The following PNPLA8 variants were observed in gnomAD, a reference collection of about 807,000 sequenced individuals.
The protein encoded by PNPLA8 is calcium-independent phospholipase A2-gamma.
In PNPLA8, 39 loss-of-function variants were observed where a neutral mutation model predicts 76.9. The ratio of observed to expected loss-of-function variants is 0.51; its 90% CI spans 0.39 to 0.66. The LOEUF (loss-of-function observed/expected upper bound fraction) is 0.66. Among genes scored for constraint, PNPLA8 ranks in the 30% least tolerant of loss-of-function variants. PNPLA8 has a pLI of 0.00. For synonymous variants in PNPLA8, 301 were observed against 307.9 expected, an observed-to-expected ratio of 0.98 and a Z score of 0.24; for missense variants, 887 against 918.0, an observed-to-expected ratio of 0.97 and a Z score of 0.44.
chr7:108,507,125 C>T (rs1431213680), intron 4 of PNPLA8, among the ~76,000 whole-genome samples: 1 of 151,696 alleles, frequency 6.6e-6, no homozygotes, highest in Non-Finnish European at 1.5e-5. Flanking sequence ...GGTGGATTAC[C>T]TGAGGTCAGG....
At chr7:108,519,458 G>C (rs765079707) in intron 2 of PNPLA8, among the ~76,000 whole-genome samples, 2 of 152,304 alleles carry the variant, frequency 1.3e-5, no homozygotes, top group Non-Finnish European at 2.9e-5. Flanking sequence ...ATGTAGTCTA[G>C]TTTTACTGCA....
intron 7 of PNPLA8, among the ~76,000 whole-genome samples, chr7:108,493,049 C>T (rs1256858940): frequency 6.6e-6 from 1 of 152,144 alleles, no homozygotes; most frequent in Non-Finnish European, 1.5e-5. Flanking sequence ...ACCAAGTGAG[C>T]TCCGGCAAGA....
intron 4 of PNPLA8, among the ~76,000 whole-genome samples, chr7:108,505,331 TATATATATATATATA>T (rs1862302253): frequency 1.0e-4 from 1 of 9,648 alleles, no homozygotes; most frequent in Non-Finnish European, 1.9e-4. Context: ...TATATATATA[TATATATATATATATA>T]TATATATTTT....
chr7:108,502,663 C>T (rs1196201234), intron 4 of PNPLA8, 21 bp from the exon 5 acceptor site: 2 of 1,579,940 alleles, frequency 1.3e-6, no homozygotes, highest in Admixed American at 1.7e-5. Flanking sequence ...AGAAAAGATA[C>T]TTTGTTGCTT....
chr7:108,496,829 G>A lies in PNPLA8; in HGVS notation c.1454-74C>T, dbSNP rs557083161. 54 of 1,221,358 alleles carry A rather than the reference G, an allele frequency of 4.4e-5. 1 individual carries two copies. The South Asian group carries it at 7.6e-4, about 17-fold the overall frequency. The allele number at this position is 1,221,358 out of a possible 1,614,324, so 75.7% of individuals were successfully genotyped here. On this transcript the variant is annotated intron_variant, in intron 6 of 10. Transcript: ENST00000257694. ...ATGATGTAAGATTTCCTGAATCATA[G>A]TTTTGGCTTAAATTTTAGCGTTGAT...
intron 4 of PNPLA8, among the ~76,000 whole-genome samples, chr7:108,503,325 T>C (rs371178681): frequency 5.3e-5 from 8 of 152,234 alleles, no homozygotes; most frequent in African/African-American, 9.7e-5. Flanking sequence ...TACCGCAGGT[T>C]TAATGGAATG....
chr7:108,482,249 T>C lies in PNPLA8; in HGVS notation c.1879-2870A>G, dbSNP rs539504616. ...ACTTTGGGGAGCTGAGGCAGGTGGA[T>C]TGCCTGAGCCCAGGAGTTCAAGACC... On this transcript the variant is annotated intron_variant, in intron 9 of 10. Coordinates refer to ENST00000257694, the MANE Select transcript of PNPLA8 (RefSeq NM_001256007.3). Among the ~76,000 whole-genome samples the C allele has an allele frequency of 9.9e-5, 15 of 152,258 alleles. No individual in the cohort carries two copies. In the South Asian group the frequency reaches 1.2e-3, roughly 13 times the overall value.
intron 5 of PNPLA8, among the ~76,000 whole-genome samples, chr7:108,502,014 T>C (rs937673145): frequency 1.3e-5 from 2 of 152,062 alleles, no homozygotes; most frequent in Admixed American, 6.5e-5. Context: ...AACTGAAGTA[T>C]ATGTCAGAGT....
intron 7 of PNPLA8, among the ~76,000 whole-genome samples, chr7:108,491,797 T>A (rs573622737): frequency 6.6e-6 from 1 of 152,332 alleles, no homozygotes; most frequent in African/African-American, 2.4e-5. Flanking sequence ...AGCTAGGACA[T>A]ATACAGATTA....
At chr7:108,480,675 T>TA (rs1328243470) in intron 9 of PNPLA8, 2 of 388,594 alleles carry the variant, frequency 5.1e-6, no homozygotes, top group African/African-American at 2.1e-5. Flanking sequence ...ACAGAATACT[T>TA]AAACATTTTC....
intron 9 of PNPLA8, chr7:108,480,702 C>A (rs532849543): frequency 7.1e-6 from 3 of 420,566 alleles, no homozygotes; most frequent in South Asian, 1.7e-5. Flanking sequence ...ATGGTGCATA[C>A]AACCTTGTAA....
chr7:108,524,165 T>C (rs1863927190), intron 1 of PNPLA8, among the ~76,000 whole-genome samples: 9 of 152,232 alleles, frequency 5.9e-5, no homozygotes, highest in Admixed American at 5.9e-4. Context: ...TACCAGATGA[T>C]AGTTTACAGT....
chr7:108,484,707 A>G (rs1784933666), intron 9 of PNPLA8, among the ~76,000 whole-genome samples: 1 of 152,164 alleles, frequency 6.6e-6, no homozygotes, highest in Admixed American at 6.5e-5. Context: ...CCTCTATAGT[A>G]CTTCTTAATC....
At chr7:108,516,362 G>C (rs1863343888) in intron 2 of PNPLA8, among the ~76,000 whole-genome samples, 1 of 152,064 alleles carries the variant, frequency 6.6e-6, no homozygotes, top group Non-Finnish European at 1.5e-5. Flanking sequence ...TAATACAATG[G>C]GGCAAAAATA....
intron 7 of PNPLA8, among the ~76,000 whole-genome samples, chr7:108,496,128 G>A (rs1470359314): frequency 6.6e-6 from 1 of 152,144 alleles, no homozygotes; most frequent in African/African-American, 2.4e-5. Flanking sequence ...CCAGCTACTT[G>A]GGAGGCTGAC....
chr7:108,520,552 G>C (rs1362765292), intron 2 of PNPLA8, among the ~76,000 whole-genome samples: 1 of 152,130 alleles, frequency 6.6e-6, no homozygotes. Context: ...GGGGACTATA[G>C]TTAACAATGA....
chr7:108,511,418 C>T (rs1862923395), intron 4 of PNPLA8, among the ~76,000 whole-genome samples: 1 of 152,110 alleles, frequency 6.6e-6, no homozygotes, highest in Non-Finnish European at 1.5e-5. Flanking sequence ...CATTATGAGG[C>T]ACATGACATT....
At chr7:108,500,288 C>T (rs562494020) in intron 5 of PNPLA8, among the ~76,000 whole-genome samples, 24 of 152,128 alleles carry the variant, frequency 1.6e-4, no homozygotes, top group African/African-American at 5.8e-4. Flanking sequence ...CTATTTTTCA[C>T]CATTTGGAAC....
Position 108,472,045 on chromosome 7 carries a change from C to T in PNPLA8, c.*356G>A, listed in dbSNP as rs1859660997. The stretch of plus-strand genomic sequence containing the variant: ...CATAAATTCAACATGATTATGAGGA[C>T]TAAAGTAAAAATACACAGTACAATA... On this transcript the variant is annotated 3_prime_UTR_variant, in exon 11 of 11. Coordinates refer to ENST00000257694, the MANE Select transcript of PNPLA8 (RefSeq NM_001256007.3). 6.4e-6 allele frequency: 1 copy of T among 156,592 alleles called. No homozygotes were observed. Among genetic ancestry groups the T allele is most frequent in the Middle Eastern group, 3.1e-3 (1 of 324 alleles). 9.7% of individuals were successfully genotyped at this position (156,592 alleles called of 1,614,324 possible).
Sources: gnomAD v4.1 joint callset for allele counts (sites outside exome capture counted in the v4.1 genomes callset) on GRCh38, gnomAD v4.1.1 for gene constraint, MANE v1.5 for transcripts, NCBI Gene and HGNC (gene_info 2026-07-23, HGNC 2026-07-21) for gene names.